The following CDH13 variants were observed in gnomAD, a reference collection of about 807,000 sequenced individuals.
CDH13 encodes the protein cadherin-13.
CDH13 carries 24 observed loss-of-function variants against 63.8 expected under a neutral mutation model. The observed-to-expected ratio is 0.38, with a 90% CI of 0.27 to 0.53. The LOEUF is 0.53. CDH13 is among the 20% of genes least tolerant of loss of function. The probability of loss-of-function intolerance (pLI) is 0.85; values close to 1 mark genes in which losing one functional copy is unlikely to be tolerated. For synonymous variants in CDH13, 503 were observed against 355.3 expected, an observed-to-expected ratio of 1.42 and a Z score of -4.67; for missense variants, 1,049 against 903.1, an observed-to-expected ratio of 1.16 and a Z score of -2.07.
intron 2 of CDH13, among the ~76,000 whole-genome samples, chr16:82,860,085 C>G (rs1325225662): frequency 6.6e-6 from 1 of 152,114 alleles, no homozygotes; most frequent in Non-Finnish European, 1.5e-5. Context: ...TTTGTGAGAA[C>G]CATTTTTCTG....
intron 1 of CDH13, among the ~76,000 whole-genome samples, chr16:82,676,871 T>TTTTGTTTTG (rs1913975756): frequency 6.7e-6 from 1 of 149,392 alleles, no homozygotes; most frequent in Non-Finnish European, 1.5e-5. Context: ...GTTTCTTTGT[T>TTTTGTTTTG]TTTTGTTTTG....
At chr16:83,715,901 A>G (rs1908828011) in intron 10 of CDH13, among the ~76,000 whole-genome samples, 1 of 152,236 alleles carries the variant, frequency 6.6e-6, no homozygotes, top group Non-Finnish European at 1.5e-5. Context: ...GAAAAAAACA[A>G]CAGATGTCCA....
intron 1 of CDH13, among the ~76,000 whole-genome samples, chr16:82,656,021 G>A (rs962395157): frequency 6.6e-6 from 1 of 152,150 alleles, no homozygotes; most frequent in Admixed American, 6.6e-5. Flanking sequence ...TCAGCTGAGA[G>A]TTACCGTGCA....
chr16:83,226,069 G>A (rs1037763010), intron 5 of CDH13, among the ~76,000 whole-genome samples: 4 of 152,110 alleles, frequency 2.6e-5, no homozygotes, highest in Admixed American at 6.6e-5. Flanking sequence ...ATAAACAAAC[G>A]CTTGTCTTCT....
chr16:83,106,231 C>T lies in CDH13; in HGVS notation c.367-19154C>T, dbSNP rs957341793. Among the ~76,000 whole-genome samples the T allele has an allele frequency of 3.9e-5, 6 of 152,232 alleles. No homozygotes were observed. The South Asian group carries it at 8.3e-4, about 21-fold the overall frequency. On this transcript the variant is annotated intron_variant, in intron 3 of 13. Coordinates refer to ENST00000567109, the MANE Select transcript of CDH13 (RefSeq NM_001257.5). ...TTTGCCTTTCATTTATAGTAAGAAA[C>T]AATTGGAAGCACTTAACATACAAGC...
At chr16:83,720,296 T>C (rs186942313) in intron 10 of CDH13, among the ~76,000 whole-genome samples, 2 of 150,236 alleles carry the variant, frequency 1.3e-5, no homozygotes, top group African/African-American at 4.8e-5. Flanking sequence ...CAAGTACTCA[T>C]ACATGCACTC....
At chr16:82,680,497 C>G (rs115852401) in intron 1 of CDH13, among the ~76,000 whole-genome samples, 1 of 152,076 alleles carries the variant, frequency 6.6e-6, no homozygotes, top group African/African-American at 2.4e-5. Flanking sequence ...GGGGCTAACA[C>G]AGAAGTGTGG....
chr16:82,802,035 C>G (rs1399516309), intron 1 of CDH13, among the ~76,000 whole-genome samples: 2 of 152,168 alleles, frequency 1.3e-5, no homozygotes, highest in Non-Finnish European at 2.9e-5. Flanking sequence ...CGTTGAGGAT[C>G]TCTGGAAGAC....
chr16:82,745,647 C>T (rs754542781), intron 1 of CDH13, among the ~76,000 whole-genome samples: 8 of 151,858 alleles, frequency 5.3e-5, no homozygotes, highest in South Asian at 4.1e-4. Context: ...TTCCATCATA[C>T]ATCATCGTAG....
At chr16:83,237,011 G>T (rs960667932) in intron 5 of CDH13, among the ~76,000 whole-genome samples, 1 of 152,078 alleles carries the variant, frequency 6.6e-6, no homozygotes, top group Admixed American at 6.6e-5. Flanking sequence ...AGAGAAACTG[G>T]ACAGGAAAAC....
At chr16:82,920,206 T>C (rs2042111539) in intron 2 of CDH13, among the ~76,000 whole-genome samples, 1 of 152,234 alleles carries the variant, frequency 6.6e-6, no homozygotes. Context: ...TCTCTTTGCT[T>C]GGCTTTTGTC....
chr16:82,790,738 A>T (rs12446447), intron 1 of CDH13, among the ~76,000 whole-genome samples: 29,651 of 152,148 alleles, frequency 0.19, 3,530 homozygotes, highest in East Asian at 0.5. Context: ...ATGATTGTTT[A>T]CCAGGCAGCA....
intron 2 of CDH13, among the ~76,000 whole-genome samples, chr16:82,995,000 C>T (rs1255582720): frequency 6.6e-6 from 1 of 151,980 alleles, no homozygotes; most frequent in Non-Finnish European, 1.5e-5. Context: ...GTAGGATTAT[C>T]CTGAAGATAG....
At chr16:83,001,217 A>G (rs72794152) in intron 2 of CDH13, among the ~76,000 whole-genome samples, 25,411 of 152,276 alleles carry the variant, frequency 0.17, 2,598 homozygotes, top group African/African-American at 0.28. Context: ...TGCACAGAGC[A>G]GGCAAGTAAC....
chr16:82,947,720 T>G (rs183397114), intron 2 of CDH13, among the ~76,000 whole-genome samples: 16 of 152,316 alleles, frequency 1.1e-4, no homozygotes, highest in Admixed American at 7.8e-4. Flanking sequence ...GGGGTGGGAA[T>G]CCCACTACAG....
chr16:83,527,906 G>C (rs538792812), intron 7 of CDH13, among the ~76,000 whole-genome samples: 1 of 152,146 alleles, frequency 6.6e-6, no homozygotes, highest in African/African-American at 2.4e-5. Context: ...TATTACTTAA[G>C]TACCAACAAA....
At chr16:82,963,078 T>C (rs1907264917) in intron 2 of CDH13, among the ~76,000 whole-genome samples, 1 of 152,070 alleles carries the variant, frequency 6.6e-6, no homozygotes, top group African/African-American at 2.4e-5. Context: ...ATGTATGGTG[T>C]TAAAGAAACA....
At chr16:82,858,728 C>A (rs2039807978) in intron 2 of CDH13, 1 of 588,832 alleles carries the variant, frequency 1.7e-6, no homozygotes, top group South Asian at 2.2e-5. Flanking sequence ...GAAAAGGGGG[C>A]TGTCAGCCTC....
At chr16:83,060,846 C>T (rs947849870) in intron 3 of CDH13, among the ~76,000 whole-genome samples, 1 of 152,188 alleles carries the variant, frequency 6.6e-6, no homozygotes, top group Non-Finnish European at 1.5e-5. Context: ...CTTCCACTGC[C>T]TTCCACAGCC....
Sources: gnomAD v4.1 joint callset for allele counts (sites outside exome capture counted in the v4.1 genomes callset) on GRCh38, gnomAD v4.1.1 for gene constraint, MANE v1.5 for transcripts, NCBI Gene and HGNC (gene_info 2026-07-23, HGNC 2026-07-21) for gene names.